Variants in PRSS23 observed in about 807,000 individuals in gnomAD.
PRSS23 encodes serine protease 23.
In PRSS23, 25 loss-of-function variants were observed where a neutral mutation model predicts 34.7. The observed-to-expected ratio is 0.72, with a 90% CI of 0.53 to 1.01. The LOEUF is 1.01. Ranked by LOEUF, PRSS23 falls within the 50% of genes least tolerant of loss-of-function variation. PRSS23 has a pLI of 0.00. For missense variants in PRSS23, 445 were observed against 475.6 expected (o/e 0.94, Z 0.60); for synonymous variants, 176 against 186.6 (o/e 0.94, Z 0.46).
intron 2 of PRSS23, among the ~76,000 whole-genome samples, chr11:86,896,775 C>T (rs567500344): frequency 6.6e-6 from 1 of 152,342 alleles, no homozygotes; most frequent in African/African-American, 2.4e-5. Flanking sequence ...CAGCGTCTAC[C>T]CTGAAGCCTT....
downstream of PRSS23, among the ~76,000 whole-genome samples, chr11:86,812,702 C>T (rs1236758200): frequency 6.7e-6 from 1 of 150,038 alleles, no homozygotes; most frequent in Non-Finnish European, 1.5e-5. Context: ...GCAGGAGAAT[C>T]GCTTGAAACT....
In PRSS23 at chr11:86,847,364, G is replaced by A. The variant is rs139746914; in HGVS notation, c.206+23771G>A. Among the ~76,000 whole-genome samples, 77 of 152,328 alleles carry A rather than the reference G, an allele frequency of 5.1e-4. 1 individual carries two copies. The East Asian group carries it at 8.9e-3, about 18-fold the overall frequency. On this transcript the variant is annotated intron_variant, in intron 2 of 2. Transcript: ENST00000533902. ...AACAGGTTGGATGTATTGGCAGAAGGACCATAATAAATCCAACAGTCCTTG... is the reference window on the plus strand; with the variant it reads ...AACAGGTTGGATGTATTGGCAGAAGAACCATAATAAATCCAACAGTCCTTG...
At chr11:86,867,297 C>A (rs970033886) in intron 2 of PRSS23, among the ~76,000 whole-genome samples, 2 of 152,208 alleles carry the variant, frequency 1.3e-5, no homozygotes, top group Admixed American at 6.5e-5. Context: ...CAAAACTATT[C>A]TCTCATGCCT....
downstream of PRSS23, among the ~76,000 whole-genome samples, chr11:86,811,913 C>A (rs542638896): frequency 6.6e-6 from 1 of 152,260 alleles, no homozygotes; most frequent in South Asian, 2.1e-4. Flanking sequence ...CAGTGATCCC[C>A]AACACTCACT....
intron 2 of PRSS23, chr11:86,936,730 G>C (rs1287084267): frequency 6.6e-6 from 1 of 152,006 alleles, no homozygotes. Context: ...AGAGACCCCT[G>C]TCTCTACAAA....
chr11:86,912,492 A>G (rs750189039), intron 2 of PRSS23, among the ~76,000 whole-genome samples: 65 of 152,128 alleles, frequency 4.3e-4, no homozygotes, highest in Non-Finnish European at 7.9e-4. Flanking sequence ...CTGTTCTGCA[A>G]GTCAGTGATT....
At chr11:86,882,028 G>C (rs1948775649) in intron 2 of PRSS23, among the ~76,000 whole-genome samples, 1 of 151,974 alleles carries the variant, frequency 6.6e-6, no homozygotes, top group Non-Finnish European at 1.5e-5. Flanking sequence ...TTGTCAATTT[G>C]GTTGATCATT....
At chr11:86,831,293 C>A (rs1002585645) in intron 2 of PRSS23, among the ~76,000 whole-genome samples, 1 of 151,918 alleles carries the variant, frequency 6.6e-6, no homozygotes, top group African/African-American at 2.4e-5. Flanking sequence ...GGGAATATTA[C>A]TCCTAATGTC....
At chr11:86,915,622 G>A (rs1251625968) in intron 2 of PRSS23, among the ~76,000 whole-genome samples, 1 of 149,078 alleles carries the variant, frequency 6.7e-6, no homozygotes, top group African/African-American at 2.4e-5. Flanking sequence ...TACATATTTA[G>A]CCACTGTGCC....
intron 2 of PRSS23, chr11:86,938,895 T>C: frequency 3.2e-6 from 1 of 315,072 alleles, no homozygotes; most frequent in Middle Eastern, 5.8e-4. Context: ...CTTTAAAAAG[T>C]CAGTAAGACA....
At chr11:86,822,681 G>GT (rs1337532414) in intron 1 of PRSS23, among the ~76,000 whole-genome samples, 2 of 151,776 alleles carry the variant, frequency 1.3e-5, no homozygotes, top group African/African-American at 4.8e-5. Flanking sequence ...AAGGGTGGTG[G>GT]TTTTCATAAT....
intron 2 of PRSS23, among the ~76,000 whole-genome samples, chr11:86,847,163 C>A (rs1948492588): frequency 6.6e-6 from 1 of 152,202 alleles, no homozygotes; most frequent in African/African-American, 2.4e-5. Flanking sequence ...AGTACAGCAG[C>A]TGTTCTCTCA....
intron 2 of PRSS23, among the ~76,000 whole-genome samples, chr11:86,874,855 G>A (rs545121363): frequency 6.6e-4 from 101 of 152,300 alleles, no homozygotes; most frequent in Middle Eastern, 3.4e-3. Flanking sequence ...GAGTCATCTG[G>A]AGGCTTCTTC....
downstream of PRSS23, chr11:86,811,258 A>G (rs1209992870): frequency 1.2e-5 from 2 of 166,466 alleles, no homozygotes; most frequent in Admixed American, 1.3e-4. Flanking sequence ...TATAATGCCT[A>G]TAAGCAATCT....
intron 2 of PRSS23, among the ~76,000 whole-genome samples, chr11:86,866,364 G>A (rs1262818432): frequency 1.3e-5 from 2 of 152,174 alleles, no homozygotes; most frequent in Non-Finnish European, 2.9e-5. Flanking sequence ...GAATGGTAGG[G>A]TACAGGAGTG....
chr11:86,814,058 G>A (rs1378816078), downstream of PRSS23, among the ~76,000 whole-genome samples: 1 of 152,170 alleles, frequency 6.6e-6, no homozygotes, highest in African/African-American at 2.4e-5. Context: ...CATTTGCTGA[G>A]ATGGGAAAGA....
intron 2 of PRSS23, among the ~76,000 whole-genome samples, chr11:86,864,143 A>G (rs932921061): frequency 1.3e-5 from 2 of 152,226 alleles, no homozygotes; most frequent in Non-Finnish European, 2.9e-5. Context: ...AGACTGAGAC[A>G]CTGAGAGAAT....
intron 2 of PRSS23, among the ~76,000 whole-genome samples, chr11:86,898,239 C>T (rs1398503755): frequency 6.6e-6 from 1 of 152,152 alleles, no homozygotes; most frequent in Non-Finnish European, 1.5e-5. Flanking sequence ...GGGTTTTCAC[C>T]TCTATTTCCA....
chr11:86,796,183 T>C (rs1947979173), upstream of PRSS23, among the ~76,000 whole-genome samples: 1 of 152,046 alleles, frequency 6.6e-6, no homozygotes, highest in South Asian at 2.1e-4. Flanking sequence ...TGGGAAGCAA[T>C]ATAACACAAT....
Sources: gnomAD v4.1 joint callset for allele counts (sites outside exome capture counted in the v4.1 genomes callset) on GRCh38, gnomAD v4.1.1 for gene constraint, MANE v1.5 for transcripts, NCBI Gene and HGNC (gene_info 2026-07-23, HGNC 2026-07-21) for gene names.